The following COL4A5 variants were observed in gnomAD, a reference collection of about 807,000 sequenced individuals.
The protein encoded by COL4A5 is collagen type IV alpha 5 chain, also known as collagen alpha-5(IV) chain.
COL4A5 carries 26 observed loss-of-function variants against 130.2 expected under a neutral mutation model. That is an observed-to-expected ratio of 0.20 (90% CI 0.15 to 0.28). The LOEUF (loss-of-function observed/expected upper bound fraction) is 0.28. COL4A5 is among the 10% of genes least tolerant of loss of function. COL4A5 has a pLI of 1.00. For synonymous variants in COL4A5, 496 were observed against 439.6 expected (o/e 1.13, Z -1.60); for missense variants, 1,131 against 1,344.3 (o/e 0.84, Z 2.48).
chrX:108,634,213 C>CAAAA (rs35480457), intron 36 of COL4A5, among the ~76,000 whole-genome samples: 1 of 66,258 alleles, frequency 1.5e-5, no homozygotes, highest in African/African-American at 5.0e-5. Flanking sequence ...GAAAGTGCAA[C>CAAAA]AAAAAAAAAA....
At chrX:108,516,589 T>C (rs939560785) in intron 1 of COL4A5, among the ~76,000 whole-genome samples, 1 of 111,777 alleles carries the variant, frequency 8.9e-6, no homozygotes, top group African/African-American at 3.2e-5. Flanking sequence ...TCAATAAAGA[T>C]ATTCTTACCA....
chrX:108,440,487 A>C, intron 1 of COL4A5: 2 of 353,307 alleles, frequency 5.7e-6, no homozygotes, highest in Non-Finnish European at 5.0e-6. Context: ...ACGCTAATTA[A>C]AGGCTCACTA....
intron 27 of COL4A5, among the ~76,000 whole-genome samples, 187 bp from the exon 28 acceptor site, chrX:108,602,777 G>A (rs1159853780): frequency 8.9e-6 from 1 of 111,926 alleles, no homozygotes; most frequent in Non-Finnish European, 1.9e-5. Flanking sequence ...AGCTCTATGT[G>A]AAAATAAAAG....
At chrX:108,602,520 A>G (rs776638192) in intron 27 of COL4A5, among the ~76,000 whole-genome samples, 21 of 112,438 alleles carry the variant, frequency 1.9e-4, no homozygotes, top group Admixed American at 3.8e-4. Context: ...ATCTTTACTC[A>G]TTTATACAAA....
chrX:108,597,726 G>T (rs901264310), intron 24 of COL4A5, among the ~76,000 whole-genome samples, 158 bp downstream of exon 24: 23 of 111,818 alleles, frequency 2.1e-4, no homozygotes, highest in African/African-American at 7.5e-4. Context: ...TACTGACTAC[G>T]TAGGGTTTCT....
At chrX:108,449,432 G>T (rs1371998088) in intron 1 of COL4A5, among the ~76,000 whole-genome samples, 1 of 111,915 alleles carries the variant, frequency 8.9e-6, no homozygotes, top group Non-Finnish European at 1.9e-5. Flanking sequence ...AGGCATTTTA[G>T]AGCTGGAGGG....
chrX:108,684,797 C>T (rs945650240), intron 47 of COL4A5, among the ~76,000 whole-genome samples: 1 of 111,897 alleles, frequency 8.9e-6, no homozygotes, highest in Non-Finnish European at 1.9e-5. Context: ...AGAGACACAA[C>T]AAAAAAAGAA....
chrX:108,560,516 G>C (rs1011964107), intron 3 of COL4A5, among the ~76,000 whole-genome samples: 1 of 112,936 alleles, frequency 8.9e-6, no homozygotes, highest in African/African-American at 3.2e-5. Context: ...CTAATTGAGC[G>C]ATGCTCACAG....
At chrX:108,627,504 T>C (rs2067175033) in intron 36 of COL4A5, 5 of 738,109 alleles carry the variant, frequency 6.8e-6, no homozygotes, top group Non-Finnish European at 6.4e-6. Context: ...TTTTTCAATA[T>C]ATCTTAGACA....
At chrX:108,468,501 GTTT>G (rs58196181) in intron 1 of COL4A5, among the ~76,000 whole-genome samples, 1 of 91,574 alleles carries the variant, frequency 1.1e-5, no homozygotes. Flanking sequence ...TTTCGTAAGT[GTTT>G]TTTTTTTTTT....
At chrX:108,497,731 T>A (rs2065046807) in intron 1 of COL4A5, among the ~76,000 whole-genome samples, 1 of 111,972 alleles carries the variant, frequency 8.9e-6, no homozygotes, top group African/African-American at 3.2e-5. Context: ...TTTGGGCTGA[T>A]TCTTTGCTGT....
Position 108,578,378 on chromosome X carries a change from G to T in COL4A5, c.775G>T (p.Asp259Tyr), listed in dbSNP as rs746727822. 8.4e-7 allele frequency: 1 copy of T among 1,184,176 alleles called. No homozygotes were observed. Among genetic ancestry groups the T allele is most frequent in the Non-Finnish European group, 1.1e-6 (1 of 871,041 alleles). Residue 259 changes from aspartate to tyrosine, a missense_variant, in exon 13 of 53, where the codon GAT becomes TAT. Transcript: ENST00000328300. ...RPIDVEFQKGDQGLPGDRGPP... is the reference protein window; with the variant it reads ...RPIDVEFQKGYQGLPGDRGPP... The stretch of plus-strand genomic sequence containing the variant: ...AATTGATGTAGAGTTTCAGAAAGGA[G>T]ATCAGGTGAGTAAGTAGGGAGGAAG...
intron 33 of COL4A5, 107 bp downstream of exon 33, chrX:108,622,932 C>T: frequency 1.4e-6 from 1 of 707,203 alleles, no homozygotes; most frequent in Non-Finnish European, 2.1e-6. Flanking sequence ...AACAAAGGCA[C>T]TTAAATGCAT....
At chrX:108,481,136 A>G (rs1443511755) in intron 1 of COL4A5, among the ~76,000 whole-genome samples, 2 of 111,032 alleles carry the variant, frequency 1.8e-5, no homozygotes, top group African/African-American at 6.6e-5. Flanking sequence ...AACTCCATTA[A>G]TTACCTGACT....
chrX:108,478,769 C>T (rs6622326), intron 1 of COL4A5, among the ~76,000 whole-genome samples: 4 of 111,737 alleles, frequency 3.6e-5, no homozygotes, highest in Admixed American at 9.4e-5. Context: ...GTCCAAGGAT[C>T]GTAGTCTTGG....
chrX:108,457,170 A>C, intron 1 of COL4A5, among the ~76,000 whole-genome samples: 1 of 112,253 alleles, frequency 8.9e-6, no homozygotes, highest in East Asian at 2.8e-4. Context: ...GAATATTTGT[A>C]AACAAGTCTT....
intron 41 of COL4A5, among the ~76,000 whole-genome samples, chrX:108,669,507 T>C (rs1004713757): frequency 1.5e-4 from 17 of 111,972 alleles, no homozygotes; most frequent in African/African-American, 4.5e-4. Flanking sequence ...TGATCTGACA[T>C]AATCTGATGG....
chrX:108,529,792 A>C (rs777355303), intron 1 of COL4A5, among the ~76,000 whole-genome samples: 2 of 110,825 alleles, frequency 1.8e-5, no homozygotes, highest in South Asian at 7.7e-4. Flanking sequence ...TAAGTCAAGA[A>C]CAGTTAAAAA....
chrX:108,531,103 T>A (rs775935029), intron 1 of COL4A5, among the ~76,000 whole-genome samples: 3 of 103,005 alleles, frequency 2.9e-5, no homozygotes, highest in Non-Finnish European at 5.9e-5. Flanking sequence ...GTAAACTATC[T>A]CAAGGACAAA....
Sources: allele counts gnomAD v4.1 joint callset (sites outside exome capture counted in the v4.1 genomes callset), GRCh38; gene constraint gnomAD v4.1.1; transcripts MANE v1.5; gene names NCBI Gene and HGNC (gene_info 2026-07-23, HGNC 2026-07-21).